SPATA9: variants seen among roughly 807,000 people sequenced by gnomAD.
SPATA9 encodes spermatogenesis-associated protein 9.
Under a neutral mutation model 25.5 loss-of-function variants are expected in SPATA9, and 27 were observed. That is an observed-to-expected ratio of 1.06 (90% CI 0.78 to 1.46). The LOEUF (loss-of-function observed/expected upper bound fraction) is 1.46, where lower values mean the gene tolerates loss of function less well. SPATA9 is among the 40% of genes most tolerant of loss of function. The pLI is 0.00. For missense variants in SPATA9, 282 were observed against 297.5 expected (o/e 0.95, Z 0.38); for synonymous variants, 102 against 105.7 (o/e 0.97, Z 0.21).
At chr5:95,731,286 C>A in the SPATA9 span, 1 of 1,025,396 alleles carries the variant, frequency 9.8e-7, no homozygotes, top group South Asian at 4.4e-5. Flanking sequence ...AGGCCCCGAT[C>A]TCCCCGACCC....
chr5:95,685,294 T>G (rs1753713617), upstream of SPATA9, among the ~76,000 whole-genome samples: 2 of 152,250 alleles, frequency 1.3e-5, no homozygotes, highest in Non-Finnish European at 2.9e-5. Flanking sequence ...CATTTTGATT[T>G]GCACCAAACT....
the SPATA9 span, among the ~76,000 whole-genome samples, chr5:95,725,946 A>C: frequency 3.3e-5 from 5 of 152,200 alleles, no homozygotes; most frequent in Admixed American, 3.3e-4. Context: ...TGTAGAAGAG[A>C]AAATATGTCT....
the SPATA9 span, among the ~76,000 whole-genome samples, chr5:95,710,545 A>G: frequency 4.6e-5 from 7 of 152,198 alleles, no homozygotes; most frequent in African/African-American, 1.7e-4. Flanking sequence ...TCTCTTAGAT[A>G]AATAGGCCAC....
exon 9 of SPATA9, chr5:95,653,037 C>A: frequency 6.5e-7 from 1 of 1,529,678 alleles, no homozygotes; most frequent in South Asian, 1.2e-5. Flanking sequence ...ACCAATCTTG[C>A]ATATTATGTT....
intron 4 of SPATA9, among the ~76,000 whole-genome samples, chr5:95,661,338 C>T (rs1339973524): frequency 6.6e-6 from 1 of 152,050 alleles, no homozygotes; most frequent in Admixed American, 6.6e-5. Flanking sequence ...TATGGTTCCA[C>T]TCGTAGGACA....
At chr5:95,674,314 G>T (rs1446556425) in intron 3 of SPATA9, among the ~76,000 whole-genome samples, 1 of 152,092 alleles carries the variant, frequency 6.6e-6, no homozygotes, top group East Asian at 1.9e-4. Context: ...CCAGATTTTT[G>T]AGGATTCCCT....
intron 3 of SPATA9, among the ~76,000 whole-genome samples, chr5:95,665,631 G>A (rs1478616860): frequency 2.6e-5 from 4 of 151,076 alleles, no homozygotes; most frequent in South Asian, 2.1e-4. Context: ...GGTTGGACAC[G>A]TAGGTTGATT....
chr5:95,682,245 T>C (rs1001194656), intron 2 of SPATA9, among the ~76,000 whole-genome samples: 2 of 152,216 alleles, frequency 1.3e-5, no homozygotes, highest in Non-Finnish European at 2.9e-5. Flanking sequence ...TGATTTTACA[T>C]TGCAATTGTA....
At chr5:95,731,547 C>T in the SPATA9 span, 34 of 1,436,864 alleles carry the variant, frequency 2.4e-5, no homozygotes, top group South Asian at 4.4e-4. Flanking sequence ...GCGTCGGCCC[C>T]GCCGCGGTGG....
chr5:95,686,846 G>T (rs1753760020), upstream of SPATA9, among the ~76,000 whole-genome samples: 1 of 152,204 alleles, frequency 6.6e-6, no homozygotes, highest in Non-Finnish European at 1.5e-5. Context: ...ACATTCCACA[G>T]GGATTAGGAG....
chr5:95,684,860 A>G (rs772507037), upstream of SPATA9: 5 of 152,244 alleles, frequency 3.3e-5, no homozygotes, highest in Non-Finnish European at 7.3e-5. Context: ...TATAAAATAA[A>G]CTAGGAAACA....
intron 2 of SPATA9, among the ~76,000 whole-genome samples, chr5:95,680,336 G>C (rs915465535): frequency 8.5e-5 from 13 of 152,182 alleles, no homozygotes; most frequent in Non-Finnish European, 1.5e-4. Flanking sequence ...TGGTGAATGA[G>C]GGGTTCCACG....
chr5:95,661,097 C>A (rs1262677503), intron 4 of SPATA9, among the ~76,000 whole-genome samples: 1 of 152,032 alleles, frequency 6.6e-6, no homozygotes, highest in Non-Finnish European at 1.5e-5. Flanking sequence ...GACATCTTTA[C>A]TACTATATCT....
At chr5:95,730,795 T>C in the SPATA9 span, 2 of 433,232 alleles carry the variant, frequency 4.6e-6, no homozygotes, top group Admixed American at 2.6e-5. Context: ...AACAAAGAAC[T>C]CTTTCTGCAG....
In SPATA9 at chr5:95,658,754, G is replaced by A. The variant is rs148514157; in HGVS notation, c.634C>T (p.Pro212Ser). 5.3e-5 allele frequency: 86 copies of A among 1,613,832 alleles called. 1 individual carries two copies. The highest frequency in any genetic ancestry group is 3.3e-4 in the Middle Eastern group (2 of 6,062). The change falls in exon 5 of 5, where the codon CCT (proline) becomes TCT (serine). Residue 212 changes from proline to serine, a missense_variant. Transcript: ENST00000274432. ...MFAEGEIKAK[P>S]YRSLPEKPDI... The stretch of plus-strand genomic sequence containing the variant: ...GGCTTCTCCGGCAATGACCTATAAG[G>A]TTTTGCTTTGATTTCACCTTCAGCA...
At chr5:95,679,936 C>T (rs1357312700) in intron 2 of SPATA9, among the ~76,000 whole-genome samples, 1 of 152,242 alleles carries the variant, frequency 6.6e-6, no homozygotes, top group Non-Finnish European at 1.5e-5. Context: ...CTCGCTCTGT[C>T]GCCCAGGCTG....
intron 1 of SPATA9, among the ~76,000 whole-genome samples, chr5:95,693,758 C>G (rs1277051177): frequency 6.6e-6 from 1 of 152,162 alleles, no homozygotes; most frequent in Non-Finnish European, 1.5e-5. Flanking sequence ...AAATTGACAT[C>G]TTTCTCTTTT....
chr5:95,706,073 CA>C, the SPATA9 span, among the ~76,000 whole-genome samples: 1 of 152,064 alleles, frequency 6.6e-6, no homozygotes, highest in Non-Finnish European at 1.5e-5. Flanking sequence ...CCAGCAAAAA[CA>C]AAAACCCATG....
chr5:95,700,806 C>T (rs763293236), upstream of SPATA9, among the ~76,000 whole-genome samples: 6 of 152,106 alleles, frequency 3.9e-5, no homozygotes, highest in African/African-American at 4.8e-5. Context: ...TGACTTGATT[C>T]GGATTTCACC....
Sources: gnomAD v4.1 joint callset for allele counts (sites outside exome capture counted in the v4.1 genomes callset) on GRCh38, gnomAD v4.1.1 for gene constraint, MANE v1.5 for transcripts, NCBI Gene and HGNC (gene_info 2026-07-23, HGNC 2026-07-21) for gene names.